The following VIT variants were observed in gnomAD, a reference collection of about 807,000 sequenced individuals.
VIT encodes vitrin.
A neutral mutation model predicts 78.0 loss-of-function variants in VIT; 99 were observed. That is an observed-to-expected ratio of 1.27 (90% CI 1.08 to 1.50). The LOEUF is 1.50. VIT is among the 40% of genes most tolerant of loss of function. VIT has a pLI of 0.00. For synonymous variants in VIT, 374 were observed against 334.3 expected (o/e 1.12, Z -1.29); for missense variants, 1,126 against 875.3 (o/e 1.29, Z -3.61).
intron 13 of VIT, among the ~76,000 whole-genome samples, chr2:36,803,213 G>A (rs190040567): frequency 6.6e-6 from 1 of 152,186 alleles, no homozygotes; most frequent in South Asian, 2.1e-4. Context: ...GTATCCCAGA[G>A]AAGTCAGATA....
Position 36,787,174 on chromosome 2 carries a change from T to C in VIT, c.956T>C (p.Ile319Thr), listed in dbSNP as rs757475855. The C allele has an allele frequency of 2.5e-6, 4 of 1,613,740 alleles. No homozygotes were observed. Among genetic ancestry groups the C allele is most frequent in the African/African-American group, 1.3e-5 (1 of 75,016 alleles). Residue 319 changes from isoleucine to threonine, a missense_variant, in exon 12 of 16, where the codon ATT (isoleucine) becomes ACT (threonine). Coordinates refer to ENST00000379242, the MANE Select transcript of VIT (RefSeq NM_053276.4). ...TTTTTAATTGATGGGAGCACCAGCA[T>C]TGGCAAACGGCGATTCCGAATCCAG... ...LSFLIDGSTS[I>T]GKRRFRIQKQ...
chr2:36,812,769 A>G (rs956682225), intron 15 of VIT, among the ~76,000 whole-genome samples: 1 of 151,504 alleles, frequency 6.6e-6, no homozygotes, highest in African/African-American at 2.4e-5. Context: ...TTCAGTCTCA[A>G]CTCACAGTAG....
At chr2:36,697,791 T>C (rs543769531) in intron 1 of VIT, among the ~76,000 whole-genome samples, 68 of 152,326 alleles carry the variant, frequency 4.5e-4, no homozygotes, top group Non-Finnish European at 6.3e-4. Flanking sequence ...GAATTAAAAA[T>C]TTTCTTTGGA....
At chr2:36,740,933 G>A (rs751319825) in intron 3 of VIT, among the ~76,000 whole-genome samples, 62 of 152,264 alleles carry the variant, frequency 4.1e-4, no homozygotes, top group Non-Finnish European at 6.2e-4. Context: ...ATAGAGACTC[G>A]TTTACACAAC....
chr2:36,718,100 C>T (rs1302715660), intron 2 of VIT, among the ~76,000 whole-genome samples: 1 of 152,180 alleles, frequency 6.6e-6, no homozygotes, highest in Non-Finnish European at 1.5e-5. Flanking sequence ...ATTAGAGGTA[C>T]ACCCTACTCC....
chr2:36,761,094 C>G (rs563729894), intron 6 of VIT, among the ~76,000 whole-genome samples: 23 of 152,238 alleles, frequency 1.5e-4, no homozygotes, highest in African/African-American at 5.1e-4. Flanking sequence ...GAATACACCC[C>G]CAAAACTCTG....
chr2:36,727,888 A>G (rs367971257), intron 2 of VIT, among the ~76,000 whole-genome samples: 5 of 152,244 alleles, frequency 3.3e-5, no homozygotes, highest in African/African-American at 1.2e-4. Context: ...AATACTTGAT[A>G]ATGATTACTT....
Position 36,774,806 on chromosome 2 carries a change from A to C in VIT, c.737-196A>C, listed in dbSNP as rs577492794. 7.3e-5 allele frequency: 72 copies of C among 985,402 alleles called. 1 individual carries two copies. In the African/African-American group the frequency reaches 1.1e-3, roughly 15 times the overall value. The allele number at this position is 985,402 out of a possible 1,614,324, so 61.0% of individuals were successfully genotyped here. On this transcript the variant is annotated intron_variant, in intron 8 of 15. Transcript: ENST00000379242. ...GACTCTACAGGAGCCCAATCCATGG[A>C]GCACTGTTTCCTCCTGTCCCCTTGG... is the stretch of plus-strand genomic sequence containing the variant.
At chr2:36,787,670 T>A in intron 12 of VIT, 1 of 340,904 alleles carries the variant, frequency 2.9e-6, no homozygotes, top group Admixed American at 4.4e-5. Flanking sequence ...CTTTCAACCC[T>A]ATTACAGCAT....
intron 2 of VIT, among the ~76,000 whole-genome samples, chr2:36,726,562 G>T (rs1666858881): frequency 6.6e-6 from 1 of 152,062 alleles, no homozygotes; most frequent in Non-Finnish European, 1.5e-5. Flanking sequence ...AAAGCCTCAG[G>T]CCGGGTGTGG....
intron 12 of VIT, chr2:36,787,702 G>A: frequency 2.7e-6 from 1 of 366,180 alleles, no homozygotes; most frequent in South Asian, 2.1e-5. Context: ...ACTCCACCCT[G>A]TGCTACAACC....
At chr2:36,712,696 T>A (rs965934927) in intron 1 of VIT, among the ~76,000 whole-genome samples, 3 of 151,670 alleles carry the variant, frequency 2.0e-5, no homozygotes, top group Non-Finnish European at 4.4e-5. Context: ...ATTAGCCAGG[T>A]ATGGTGGCAG....
At chr2:36,721,294 G>A (rs932492574) in intron 2 of VIT, among the ~76,000 whole-genome samples, 2 of 152,054 alleles carry the variant, frequency 1.3e-5, no homozygotes, top group Admixed American at 1.3e-4. Flanking sequence ...GAAGCTGGGG[G>A]GAATAATAAA....
chr2:36,756,226 G>A (rs1336872035), intron 5 of VIT, among the ~76,000 whole-genome samples: 1 of 152,044 alleles, frequency 6.6e-6, no homozygotes, highest in Non-Finnish European at 1.5e-5. Context: ...CCAAAGTGCT[G>A]GGATTACAAG....
At chr2:36,811,020 A>G (rs1237996828) in intron 15 of VIT, among the ~76,000 whole-genome samples, 2 of 152,222 alleles carry the variant, frequency 1.3e-5, no homozygotes, top group Non-Finnish European at 2.9e-5. Flanking sequence ...ACAAGCCTTA[A>G]TGAATCAACA....
intron 12 of VIT, among the ~76,000 whole-genome samples, chr2:36,797,150 G>A (rs925265693): frequency 1.3e-5 from 2 of 151,116 alleles, no homozygotes; most frequent in African/African-American, 4.9e-5. Flanking sequence ...GGTCACTAGA[G>A]GAAGATCCAG....
At chr2:36,712,219 G>C (rs1023882675) in intron 1 of VIT, among the ~76,000 whole-genome samples, 1 of 152,156 alleles carries the variant, frequency 6.6e-6, no homozygotes, top group Non-Finnish European at 1.5e-5. Flanking sequence ...CCAAGCAAGC[G>C]TAGAAATTGC....
chr2:36,756,849 G>C (rs1399849008), intron 5 of VIT, among the ~76,000 whole-genome samples: 1 of 152,188 alleles, frequency 6.6e-6, no homozygotes, highest in East Asian at 1.9e-4. Flanking sequence ...TCAGCCTTAA[G>C]TGCTCAGTCT....
chr2:36,753,833 T>C (rs895479470), intron 4 of VIT, among the ~76,000 whole-genome samples: 14 of 152,146 alleles, frequency 9.2e-5, no homozygotes, highest in African/African-American at 3.4e-4. Flanking sequence ...GCCTGTGCTT[T>C]TGAACTCTTG....
Sources: allele counts gnomAD v4.1 joint callset (sites outside exome capture counted in the v4.1 genomes callset), GRCh38; gene constraint gnomAD v4.1.1; transcripts MANE v1.5; gene names NCBI Gene and HGNC (gene_info 2026-07-23, HGNC 2026-07-21).